Variants in TRABD2B observed in about 807,000 individuals in gnomAD.
The protein encoded by TRABD2B is TraB domain containing 2B.
Under a neutral mutation model 40.1 loss-of-function variants are expected in TRABD2B, and 14 were observed. That is an observed-to-expected ratio of 0.35 (90% CI 0.23 to 0.55). TRABD2B has a LOEUF of 0.55. TRABD2B is among the 20% of genes least tolerant of loss of function. The probability of loss-of-function intolerance (pLI) is 0.90; values close to 1 mark genes in which losing one functional copy is unlikely to be tolerated. For synonymous variants in TRABD2B, 263 were observed against 277.0 expected, an observed-to-expected ratio of 0.95 and a Z score of 0.50; for missense variants, 541 against 648.6, an observed-to-expected ratio of 0.83 and a Z score of 1.80.
chr1:47,921,473 A>T (rs1570291293), intron 2 of TRABD2B, among the ~76,000 whole-genome samples: 1 of 152,232 alleles, frequency 6.6e-6, no homozygotes, highest in East Asian at 1.9e-4. Flanking sequence ...TTTCATGACA[A>T]GAGAGGAAAA....
chr1:47,826,797 T>C (rs1365319767), intron 2 of TRABD2B, among the ~76,000 whole-genome samples: 1 of 152,232 alleles, frequency 6.6e-6, no homozygotes, highest in Non-Finnish European at 1.5e-5. Flanking sequence ...GGTCTCAAAC[T>C]CCTAGCCTCA....
intron 2 of TRABD2B, among the ~76,000 whole-genome samples, chr1:47,974,968 T>C (rs1024012545): frequency 1.3e-5 from 2 of 152,166 alleles, no homozygotes; most frequent in African/African-American, 2.4e-5. Flanking sequence ...CAAATCCCTA[T>C]GGAGGGACAG....
At chr1:47,885,778 A>T (rs1231263534) in intron 2 of TRABD2B, among the ~76,000 whole-genome samples, 2 of 152,062 alleles carry the variant, frequency 1.3e-5, no homozygotes, top group Non-Finnish European at 2.9e-5. Flanking sequence ...AGAAAACATA[A>T]CCTCTCTAGG....
At chr1:47,894,240 A>C (rs966574362) in intron 2 of TRABD2B, among the ~76,000 whole-genome samples, 2 of 152,166 alleles carry the variant, frequency 1.3e-5, no homozygotes, top group African/African-American at 2.4e-5. Flanking sequence ...TCTGACACTT[A>C]GTACTGTGAC....
chr1:47,927,947 G>T (rs1557662093), intron 2 of TRABD2B, among the ~76,000 whole-genome samples: 1 of 152,210 alleles, frequency 6.6e-6, no homozygotes, highest in Non-Finnish European at 1.5e-5. Flanking sequence ...TATTCAAAGT[G>T]CAGTCTTGGA....
intron 2 of TRABD2B, among the ~76,000 whole-genome samples, chr1:47,899,950 A>G (rs1470158763): frequency 6.6e-6 from 1 of 152,178 alleles, no homozygotes; most frequent in African/African-American, 2.4e-5. Context: ...AGTCAATTCA[A>G]TGAGGAATAA....
At chr1:47,887,853 G>A (rs1017532692) in intron 2 of TRABD2B, among the ~76,000 whole-genome samples, 1 of 152,312 alleles carries the variant, frequency 6.6e-6, no homozygotes, top group Admixed American at 6.5e-5. Flanking sequence ...CGCCACCCCT[G>A]ACAGCTTCCT....
At chr1:47,800,449 C>T (rs544569182) in intron 3 of TRABD2B, among the ~76,000 whole-genome samples, 59 of 152,204 alleles carry the variant, frequency 3.9e-4, no homozygotes, top group African/African-American at 7.5e-4. Context: ...GAGTTGGGTT[C>T]GCACACCAGC....
chr1:47,980,333 A>G (rs968712930), intron 2 of TRABD2B, among the ~76,000 whole-genome samples: 7 of 152,222 alleles, frequency 4.6e-5, no homozygotes, highest in African/African-American at 1.4e-4. Context: ...AGGTGAGGCC[A>G]GTCTATTGTA....
Position 47,994,027 on chromosome 1 carries a change from T to C in TRABD2B, c.666+7A>G. 6.5e-7 allele frequency: 1 copy of C among 1,532,324 alleles called. No homozygotes were observed. Among genetic ancestry groups the C allele is most frequent in the South Asian group, 1.2e-5 (1 of 83,784 alleles). The allele number at this position is 1,532,324 out of a possible 1,614,324, so 94.9% of individuals were successfully genotyped here. On this transcript the variant is annotated splice_region_variant and intron_variant, in intron 2 of 6. Transcript: ENST00000606738. This position sits in a 1 kb window ranked among gnomAD's most constrained non-coding sequence, Gnocchi z 6.7. ...GTCAGCTCCGGGCTGGGGCACTGCA[T>C]GCCTACCTGGGAGAAGTTGAGCCCG...
chr1:47,774,202 C>T (rs1222413130), intron 6 of TRABD2B, among the ~76,000 whole-genome samples: 1 of 152,050 alleles, frequency 6.6e-6, no homozygotes, highest in Non-Finnish European at 1.5e-5. Context: ...AACGAATAGC[C>T]AAGGTGATTC....
chr1:47,919,268 G>GT (rs1221449897), intron 2 of TRABD2B, among the ~76,000 whole-genome samples: 1 of 152,262 alleles, frequency 6.6e-6, no homozygotes, highest in African/African-American at 2.4e-5. Context: ...AGTGAATGGA[G>GT]TAAGTGGTGG....
At chr1:47,771,612 A>G (rs1644378401) in intron 6 of TRABD2B, among the ~76,000 whole-genome samples, 1 of 152,246 alleles carries the variant, frequency 6.6e-6, no homozygotes, top group Admixed American at 6.5e-5. Flanking sequence ...CAGAAGGAGT[A>G]GTACAGGTCC....
chr1:47,888,550 T>C (rs1644404102), intron 2 of TRABD2B, among the ~76,000 whole-genome samples: 1 of 152,224 alleles, frequency 6.6e-6, no homozygotes, highest in South Asian at 2.1e-4. Flanking sequence ...AGATCTCCTC[T>C]GAAATGTCAC....
intron 6 of TRABD2B, 35 bp downstream of exon 6, chr1:47,775,135 C>T: frequency 1.6e-6 from 2 of 1,232,674 alleles, no homozygotes; most frequent in Non-Finnish European, 2.0e-6. Context: ...GTGCAGACGC[C>T]CAGCTCCTGG....
At position 47,796,530 on chromosome 1, in the gene TRABD2B, C is replaced by G. The variant is rs76727477; in HGVS notation, c.814-1770G>C. Among the ~76,000 whole-genome samples the G allele has an allele frequency of 2.6e-5, 4 of 152,208 alleles. No individual in the cohort carries two copies. The East Asian group carries it at 7.7e-4, about 29-fold the overall frequency. On this transcript the variant is annotated intron_variant, in intron 3 of 6. Coordinates refer to ENST00000606738, the MANE Select transcript of TRABD2B (RefSeq NM_001194986.2). ...TCAATGGAGGCTGAGCCCTAAGGGACTCTAAGGAGGCTAGGATATTTGCCT... is the reference window on the plus strand; with the variant it reads ...TCAATGGAGGCTGAGCCCTAAGGGAGTCTAAGGAGGCTAGGATATTTGCCT...
At chr1:47,835,662 C>T (rs1645308888) in intron 2 of TRABD2B, among the ~76,000 whole-genome samples, 1 of 152,184 alleles carries the variant, frequency 6.6e-6, no homozygotes, top group African/African-American at 2.4e-5. Context: ...ATTCTATATC[C>T]AGCAAAACTA....
At chr1:47,831,061 C>T (rs1358482706) in intron 2 of TRABD2B, among the ~76,000 whole-genome samples, 1 of 24,922 alleles carries the variant, frequency 4.0e-5, no homozygotes, top group Non-Finnish European at 1.1e-4. Context: ...TGCCCTGATT[C>T]TGTCCTTGGT....
chr1:47,846,147 A>C (rs1422900370), intron 2 of TRABD2B, among the ~76,000 whole-genome samples: 1 of 152,236 alleles, frequency 6.6e-6, no homozygotes, highest in Non-Finnish European at 1.5e-5. Context: ...AAAAAAAGAA[A>C]AGAACCAGCA....
Sources: gnomAD v4.1 joint callset for allele counts (sites outside exome capture counted in the v4.1 genomes callset) on GRCh38, gnomAD v4.1.1 for gene constraint, Gnocchi (gnomAD v3.1) non-coding constraint, MANE v1.5 for transcripts, NCBI Gene and HGNC (gene_info 2026-07-23, HGNC 2026-07-21) for gene names.